SDK2: variants seen among roughly 807,000 people sequenced by gnomAD.
SDK2 encodes the protein sidekick cell adhesion molecule 2.
A neutral mutation model predicts 253.9 loss-of-function variants in SDK2; 105 were observed. The ratio of observed to expected loss-of-function variants is 0.41; its 90% CI spans 0.35 to 0.49. The LOEUF (loss-of-function observed/expected upper bound fraction) is 0.49, where lower values mean the gene tolerates loss of function less well. Among genes scored for constraint, SDK2 ranks in the 20% least tolerant of loss-of-function variants. The pLI, the probability that SDK2 is intolerant of heterozygous loss-of-function variation, is 0.06. For missense variants in SDK2, 2,608 were observed against 3,003.0 expected (o/e 0.87, Z 3.07); for synonymous variants, 1,249 against 1,234.9 (o/e 1.01, Z -0.24).
chr17:73,340,847 G>T (rs1173364306), intron 44 of SDK2, among the ~76,000 whole-genome samples: 1 of 132,676 alleles, frequency 7.5e-6, no homozygotes, highest in Non-Finnish European at 1.6e-5. Flanking sequence ...GGGTTCAAGT[G>T]ATTCTCCTGC....
At chr17:73,636,403 G>C (rs1462177622) in intron 1 of SDK2, among the ~76,000 whole-genome samples, 1 of 152,036 alleles carries the variant, frequency 6.6e-6, no homozygotes, top group Non-Finnish European at 1.5e-5. Context: ...AGAAAATGGG[G>C]TGAGCCAAGT....
At chr17:73,572,183 T>TCCCA (rs982854928) in intron 1 of SDK2, among the ~76,000 whole-genome samples, 1 of 152,080 alleles carries the variant, frequency 6.6e-6, no homozygotes, top group Non-Finnish European at 1.5e-5. Context: ...CTGTTGAGGG[T>TCCCA]CCCAAGAGAT....
intron 36 of SDK2, among the ~76,000 whole-genome samples, chr17:73,373,390 T>C (rs1179206720): frequency 6.6e-6 from 1 of 152,228 alleles, no homozygotes; most frequent in African/African-American, 2.4e-5. Flanking sequence ...AGTAGTGGGA[T>C]TGCTGGATCA....
intron 40 of SDK2, among the ~76,000 whole-genome samples, chr17:73,355,174 A>ATATATATATATATATATATATATAT: frequency 2.1e-5 from 1 of 47,234 alleles, no homozygotes; most frequent in Non-Finnish European, 3.4e-5. Flanking sequence ...ATATATATAT[A>ATATATATATATATATATATATATAT]TTTTTTTTTT....
At chr17:73,641,140 G>T (rs537362882) in intron 1 of SDK2, 1 of 152,340 alleles carries the variant, frequency 6.6e-6, no homozygotes, top group East Asian at 1.9e-4. Flanking sequence ...TAAGGAAAAA[G>T]AATTCAAGGT....
At position 73,422,380 on chromosome 17, in the gene SDK2, G is replaced by A; in HGVS notation, c.1952C>T (p.Thr651Ile). 1.2e-6 allele frequency: 2 copies of A among 1,614,016 alleles called. No homozygotes were observed. The highest frequency in any genetic ancestry group is 1.7e-6 in the Non-Finnish European group (2 of 1,179,886). ...GCGTGCAGGAACCAGGCCCTTGACTGTCACTGAGGTAGCTTTGGGGTCCAC... is the reference window on the plus strand; with the variant it reads ...GCGTGCAGGAACCAGGCCCTTGACTATCACTGAGGTAGCTTTGGGGTCCAC... The part of the protein sequence containing the change: ...ASVDPKATSV[T>I]VKGLVPARSY... Residue 651 changes from threonine (T) to isoleucine (I), a missense_variant, in exon 15 of 45, where the codon ACA (threonine) becomes ATA (isoleucine). Coordinates refer to ENST00000392650, the MANE Select transcript of SDK2 (RefSeq NM_001144952.2).
chr17:73,626,900 G>A (rs941755043), intron 1 of SDK2, among the ~76,000 whole-genome samples: 8 of 152,138 alleles, frequency 5.3e-5, no homozygotes, highest in Non-Finnish European at 1.0e-4. Context: ...GGCAGTGTTC[G>A]GTCTCCTTGG....
At position 73,431,766 on chromosome 17, in the gene SDK2, C is replaced by A. The variant is rs886218664; in HGVS notation, c.1313-97G>T. On this transcript the variant is annotated intron_variant, in intron 10 of 44. Transcript: ENST00000392650. The surrounding 1 kb of genome is among the most constrained non-coding windows in gnomAD (Gnocchi z 5.6). ...AGGGCAGCATGGTCCCCCCACAGGC[C>A]CCTGGCTCTGGAAATGCTGGAAGGA... The A allele has an allele frequency of 1.5e-6, 2 of 1,292,092 alleles. No homozygotes were observed. Among genetic ancestry groups the A allele is most frequent in the Non-Finnish European group, 2.1e-6 (2 of 970,712 alleles). 80.0% of individuals were successfully genotyped at this position (1,292,092 alleles called of 1,614,324 possible).
chr17:73,613,852 C>T, intron 1 of SDK2, among the ~76,000 whole-genome samples: 1 of 152,164 alleles, frequency 6.6e-6, no homozygotes, highest in Non-Finnish European at 1.5e-5. Context: ...AAGGAATTAG[C>T]CAAGTGTCAG....
chr17:73,440,536 C>T (rs926004740), intron 6 of SDK2, among the ~76,000 whole-genome samples: 15 of 152,184 alleles, frequency 9.9e-5, no homozygotes, highest in Non-Finnish European at 4.4e-5. Context: ...GAAGTGAGTC[C>T]ACCCTCCCTC....
intron 5 of SDK2, among the ~76,000 whole-genome samples, chr17:73,441,320 G>A (rs909429277): frequency 1.3e-5 from 2 of 152,048 alleles, no homozygotes; most frequent in South Asian, 2.1e-4. Context: ...CTCTCTGTAC[G>A]AGGTCAAACA....
In SDK2 at chr17:73,435,743, G is replaced by C; in HGVS notation, c.1001-99C>G. On this transcript the variant is annotated intron_variant, in intron 8 of 44. Coordinates refer to ENST00000392650, the MANE Select transcript of SDK2 (RefSeq NM_001144952.2). This position sits in a 1 kb window ranked among gnomAD's most constrained non-coding sequence, Gnocchi z 5.7. ...AGGCCGGGCCCGGAAATCTGCGAGG[G>C]GGTCCCTGGTGAATCTTGGTGTCTA... The C allele has an allele frequency of 8.8e-7, 1 of 1,130,506 alleles. No homozygotes were observed. Among genetic ancestry groups the C allele is most frequent in the Non-Finnish European group, 1.2e-6 (1 of 811,814 alleles). 70.0% of individuals were successfully genotyped at this position (1,130,506 alleles called of 1,614,324 possible). A position where few individuals can be genotyped will look rare whatever the true frequency, so the allele number is the denominator to read the frequency against.
At chr17:73,590,229 C>T (rs531229896) in intron 1 of SDK2, among the ~76,000 whole-genome samples, 14 of 152,282 alleles carry the variant, frequency 9.2e-5, no homozygotes, top group African/African-American at 3.4e-4. Context: ...TACGGCTGGA[C>T]CAGAGGGGTC....
At chr17:73,530,425 T>G (rs915616010) in intron 1 of SDK2, among the ~76,000 whole-genome samples, 2 of 152,102 alleles carry the variant, frequency 1.3e-5, no homozygotes, top group African/African-American at 4.8e-5. Flanking sequence ...GAGAACAGCA[T>G]GGGGGAAACC....
chr17:73,511,168 G>A lies in SDK2; in HGVS notation c.65-3571C>T, dbSNP rs1251021408. ...GCAGCTTTCAAGAGCCCTTTGAATC[G>A]CGCTTTTAAAAACCCTCTGTTCATT... is the stretch of plus-strand genomic sequence containing the variant. On this transcript the variant is annotated intron_variant, in intron 1 of 44. Coordinates refer to ENST00000392650, the MANE Select transcript of SDK2 (RefSeq NM_001144952.2). This position sits in a 1 kb window ranked among gnomAD's most constrained non-coding sequence, Gnocchi z 4.9. Among the ~76,000 whole-genome samples the A allele has an allele frequency of 1.3e-5, 2 of 152,162 alleles. No homozygotes were observed. Among genetic ancestry groups the A allele is most frequent in the Non-Finnish European group, 2.9e-5 (2 of 68,018 alleles).
Position 73,402,105 on chromosome 17 carries a change from T to G in SDK2, c.2521A>C (p.Thr841Pro), listed in dbSNP as rs762696400. ...AWEPEQEEEV[T>P]MVTARPNFQD... ...AAGTTAGGCCGGGCGGTCACCATGG[T>G]AACCTCCTCTTCCTGTTCCGGCTCC... is the stretch of plus-strand genomic sequence containing the variant. Residue 841 changes from threonine (T) to proline (P), a missense_variant, in exon 19 of 45, where the codon ACC becomes CCC. By Grantham distance (38) the Thr-to-Pro change is conservative. Transcript: ENST00000392650. The G allele has an allele frequency of 4.3e-6, 7 of 1,613,890 alleles. No homozygotes were observed. Among genetic ancestry groups the G allele is most frequent in the Non-Finnish European group, 5.1e-6 (6 of 1,179,876 alleles).
intron 4 of SDK2, among the ~76,000 whole-genome samples, chr17:73,453,320 C>T (rs1445918848): frequency 1.3e-5 from 2 of 151,934 alleles, no homozygotes; most frequent in Non-Finnish European, 2.9e-5. Context: ...CACCAGCCTG[C>T]AGACTCACAA....
In SDK2 at chr17:73,472,162, C is replaced by T. The variant is rs888963512; in HGVS notation, c.281G>A (p.Arg94Gln). 69 of 1,551,538 alleles carry T rather than the reference C, an allele frequency of 4.4e-5. No homozygotes were observed. The highest frequency in any genetic ancestry group is 2.5e-4 in the African/African-American group (18 of 73,028). ...THAGFYRCIV[R>Q]NRMGALLQRQ... is the part of the protein sequence containing the mutation. ...CTGCAGCAGGGCCCCCATTCGGTTC[C>T]GCACGATGCAACGGTAAAAGCCAGC... Residue 94 changes from arginine to glutamine, a missense_variant, in exon 3 of 45, where the codon CGG becomes CAG. Arg to Gln is a conservative substitution (Grantham distance 43, BLOSUM62 1). This residue lies in a region of SDK2 where 1,505 missense variants were observed against 1,859.1 expected (regional missense o/e 0.81). Coordinates refer to ENST00000392650, the MANE Select transcript of SDK2 (RefSeq NM_001144952.2).
chr17:73,590,062 C>CCT, intron 1 of SDK2, among the ~76,000 whole-genome samples: 1 of 152,370 alleles, frequency 6.6e-6, no homozygotes, highest in African/African-American at 2.4e-5. Flanking sequence ...GTTACAGACT[C>CCT]TTACATGCTG....
Sources: gnomAD v4.1 joint callset for allele counts (sites outside exome capture counted in the v4.1 genomes callset) on GRCh38, gnomAD v4.1.1 for gene constraint, gnomAD v4.1.1 regional missense constraint, Gnocchi (gnomAD v3.1) non-coding constraint, MANE v1.5 for transcripts, NCBI Gene and HGNC (gene_info 2026-07-23, HGNC 2026-07-21) for gene names.